DCST2: variants seen among roughly 807,000 people sequenced by gnomAD.
DCST2 encodes DC-STAMP domain-containing protein 2.
A neutral mutation model predicts 81.8 loss-of-function variants in DCST2; 64 were observed. The observed-to-expected ratio is 0.78, with a 90% CI of 0.64 to 0.96. The LOEUF is 0.96. Ranked by LOEUF, DCST2 falls within the 40% of genes least tolerant of loss-of-function variation. The pLI is 0.00. For synonymous variants in DCST2, 354 were observed against 402.6 expected (o/e 0.88, Z 1.44); for missense variants, 945 against 1,001.4 (o/e 0.94, Z 0.76).
chr1:155,029,089 G>A, intron 8 of DCST2, 144 bp downstream of exon 8: 1 of 969,600 alleles, frequency 1.0e-6, no homozygotes, highest in Non-Finnish European at 1.5e-6. Flanking sequence ...GGGCTGCTGA[G>A]TAACAGTGAC....
chr1:155,033,622 A>G lies in DCST2; in HGVS notation c.80T>C (p.Val27Ala), dbSNP rs1451951619. The change falls in exon 1 of 15, where the codon GTG becomes GCG. Residue 27 changes from valine (V) to alanine (A), a missense_variant. Physicochemically the swap from Val to Ala is moderately conservative, Grantham distance 64 (BLOSUM62 0). Transcript: ENST00000368424. ...AGACAAGCCCAGGGTAAAACCTCCCACGCTGCGAACCACAGCTCTCGCCAT... is the reference window on the plus strand; with the variant it reads ...AGACAAGCCCAGGGTAAAACCTCCCGCGCTGCGAACCACAGCTCTCGCCAT... Reference protein sequence around the residue: ...PSMARAVVRSVGGFTLGLSLA... With the variant: ...PSMARAVVRSAGGFTLGLSLA... 6.2e-6 allele frequency: 10 copies of G among 1,614,140 alleles called. No homozygotes were observed. The highest frequency in any genetic ancestry group is 7.6e-6 in the Non-Finnish European group (9 of 1,180,006).
At chr1:155,020,249 C>G (rs1373010237) in intron 14 of DCST2, among the ~76,000 whole-genome samples, 1 of 152,238 alleles carries the variant, frequency 6.6e-6, no homozygotes, top group African/African-American at 2.4e-5. Context: ...AGCTAACTCT[C>G]TCTTTCTCTT....
chr1:155,031,131 C>T lies in DCST2; in HGVS notation c.805+38G>A, dbSNP rs185951392. 1,148 of 1,575,808 alleles carry T rather than the reference C, an allele frequency of 7.3e-4. 11 individuals carry two copies. The African/African-American group carries it at 0.013, about 18-fold the overall frequency. ...ACACCGGGATGAGGGAGGGAGACCA[C>T]TAGGGAGCACCATATGTGGCAGGAG... On this transcript the variant is annotated intron_variant, in intron 5 of 14. Transcript: ENST00000368424.
chr1:155,029,212 G>T (rs1321448700), intron 8 of DCST2, 21 bp downstream of exon 8: 2 of 1,610,998 alleles, frequency 1.2e-6, no homozygotes, highest in Non-Finnish European at 1.7e-6. Context: ...AGTGGGAGGA[G>T]GCTGTCACGT....
chr1:155,023,272 C>A lies in DCST2; in HGVS notation c.1965-15G>T. ...CGCTGGAGTCCCTGGAGAAGACTCT[C>A]ATCTCAGTGGCCTGCAGACATCCTG... On this transcript the variant is annotated splice_polypyrimidine_tract_variant and intron_variant, in intron 13 of 14. Transcript: ENST00000368424. 1 of 1,614,064 alleles carries A rather than the reference C, an allele frequency of 6.2e-7. No homozygotes were observed. Among genetic ancestry groups the A allele is most frequent in the Non-Finnish European group, 8.5e-7 (1 of 1,179,966 alleles).
Position 155,033,034 on chromosome 1 carries a change from T to C in DCST2, c.439+60A>G, listed in dbSNP as rs1437890226. ...AAGGAGGCCAAAGGACTGTAGAACATGCAGGATGAGGGGGGCGAGGGGGGC... is the reference window on the plus strand; with the variant it reads ...AAGGAGGCCAAAGGACTGTAGAACACGCAGGATGAGGGGGGCGAGGGGGGC... On this transcript the variant is annotated intron_variant, in intron 2 of 14. Transcript: ENST00000368424. The C allele has an allele frequency of 1.2e-5, 17 of 1,467,930 alleles. No homozygotes were observed. The East Asian group carries it at 3.4e-4, about 30-fold the overall frequency. The allele number at this position is 1,467,930 out of a possible 1,614,324, so 90.9% of individuals were successfully genotyped here.
intron 10 of DCST2, among the ~76,000 whole-genome samples, chr1:155,025,311 AG>A (rs1303449687): frequency 6.6e-6 from 1 of 151,954 alleles, no homozygotes; most frequent in East Asian, 1.9e-4. Flanking sequence ...ACCGATGGTG[AG>A]GGTTTTTTGT....
intron 3 of DCST2, among the ~76,000 whole-genome samples, 167 bp from the exon 4 acceptor site, chr1:155,031,938 A>T (rs901010945): frequency 3.3e-5 from 5 of 151,740 alleles, no homozygotes; most frequent in Admixed American, 2.0e-4. Context: ...GGCCCAAAAA[A>T]CCCTGGACAG....
chr1:155,030,997 G>A (rs1476941636), intron 5 of DCST2, 172 bp downstream of exon 5: 14 of 742,270 alleles, frequency 1.9e-5, no homozygotes, highest in South Asian at 8.0e-5. Context: ...CGCTGGACCC[G>A]TTTCCTGATC....
At position 155,026,329 on chromosome 1, in the gene DCST2, A is replaced by G. The variant is rs1277967340; in HGVS notation, c.1584T>C (p.Cys528=). The G allele has an allele frequency of 3.1e-6, 5 of 1,613,688 alleles. No homozygotes were observed. Among genetic ancestry groups the G allele is most frequent in the South Asian group, 1.1e-5 (1 of 91,092 alleles). Residue 528 remains cysteine (C), a synonymous_variant, in exon 10 of 15, where the codon TGT becomes TGC. Transcript: ENST00000368424. Reference sequence around the variant, plus strand: ...GCTCCCGGGATGGGTAGTAGGAGGCACAGATGACTCGCCGCAGCCGGCTGA... The same window carrying G: ...GCTCCCGGGATGGGTAGTAGGAGGCGCAGATGACTCGCCGCAGCCGGCTGA... ...SYVSRLRRVI[C]ASYYPSREQE...
At position 155,033,131 on chromosome 1, in the gene DCST2, G is replaced by A. The variant is rs753554045; in HGVS notation, c.402C>T (p.Thr134=). 31 of 1,600,814 alleles carry A rather than the reference G, an allele frequency of 1.9e-5. No homozygotes were observed. The highest frequency in any genetic ancestry group is 4.5e-5 in the East Asian group (2 of 44,648). Residue 134 remains threonine, a synonymous_variant, in exon 2 of 15, where the codon ACC becomes ACT. Coordinates refer to ENST00000368424, the MANE Select transcript of DCST2 (RefSeq NM_144622.3). ...ACGAELALNQ[T]AEVLQRAKQP... ...GCTTGGCCCTCTGTAGCACTTCGGC[G>A]GTCTGGTTCAGGGCCAGCTCTGCCC...
At chr1:155,032,847 G>T in intron 2 of DCST2, 79 bp from the exon 3 acceptor site, 2 of 1,344,002 alleles carry the variant, frequency 1.5e-6, no homozygotes, top group Non-Finnish European at 2.1e-6. Context: ...TAAGCAGGGA[G>T]TAGAGAGGAG....
At chr1:155,029,890 G>A (rs1660017980) in intron 7 of DCST2, among the ~76,000 whole-genome samples, 194 bp downstream of exon 7, 1 of 152,218 alleles carries the variant, frequency 6.6e-6, no homozygotes, top group African/African-American at 2.4e-5. Flanking sequence ...CAGACTGCGG[G>A]CTCCCCAAGG....
intron 14 of DCST2, among the ~76,000 whole-genome samples, chr1:155,019,873 G>A (rs1659697314): frequency 1.3e-5 from 2 of 152,326 alleles, no homozygotes; most frequent in South Asian, 2.1e-4. Context: ...TCCCTAGTCG[G>A]CTTCTTTGCA....
chr1:155,033,399 A>C, intron 1 of DCST2, 35 bp downstream of exon 1: 1 of 1,605,368 alleles, frequency 6.2e-7, no homozygotes, highest in Non-Finnish European at 8.5e-7. Context: ...CACCAGCCCC[A>C]GGACCTGCCC....
rs781651330 is a variant in DCST2 at position 155,018,556 on chromosome 1, T to G, written c.2310A>C (p.Pro770=). The G allele has an allele frequency of 8.1e-6, 13 of 1,604,754 alleles. No individual in the cohort carries two copies. Among genetic ancestry groups the G allele is most frequent in the Non-Finnish European group, 1.1e-5 (13 of 1,174,264 alleles). ...SPPSLPDPSH[P]PPK ...GTCCACTTTTGGTTTATTTGGGGGG[T>G]GGGTGGGAAGGATCAGGAAGAGAGG... Residue 770 remains proline, a synonymous_variant, in exon 15 of 15, where the codon CCA becomes CCC. Transcript: ENST00000368424.
intron 2 of DCST2, 82 bp from the exon 3 acceptor site, chr1:155,032,850 G>T: frequency 7.5e-6 from 10 of 1,325,106 alleles, no homozygotes; most frequent in Non-Finnish European, 1.1e-5. Context: ...GCAGGGAGTA[G>T]AGAGGAGGCC....
At chr1:155,030,291 A>G (rs936734334) in intron 6 of DCST2, 50 bp from the exon 7 acceptor site, 3 of 1,611,568 alleles carry the variant, frequency 1.9e-6, no homozygotes, top group Non-Finnish European at 2.5e-6. Flanking sequence ...ACCCCAGGCC[A>G]GACCCCACAG....
chr1:155,031,614 C>T lies in DCST2; in HGVS notation c.699G>A (p.Val233=), dbSNP rs748245446. The T allele has an allele frequency of 3.1e-6, 5 of 1,598,254 alleles. No homozygotes were observed. The South Asian group carries it at 3.3e-5, about 11-fold the overall frequency. The change falls in exon 4 of 15, where the codon GTG becomes GTA. Residue 233 remains valine, a synonymous_variant. Coordinates refer to ENST00000368424, the MANE Select transcript of DCST2 (RefSeq NM_144622.3). ...VIPQAYHLCY[V]LMPFKLALCG... Reference sequence around the variant, plus strand: ...AGAGCGCCAGTTTGAAGGGCATGAGCACGTAACACAGGTGGTAGGCTTGTG... The same window carrying T: ...AGAGCGCCAGTTTGAAGGGCATGAGTACGTAACACAGGTGGTAGGCTTGTG...
Sources: gnomAD v4.1 joint callset for allele counts (sites outside exome capture counted in the v4.1 genomes callset) on GRCh38, gnomAD v4.1.1 for gene constraint, MANE v1.5 for transcripts, NCBI Gene and HGNC (gene_info 2026-07-23, HGNC 2026-07-21) for gene names.